Variants in FAR2 observed in about 807,000 individuals in gnomAD.
FAR2 encodes epididymis secretory protein Li 81.
Under a neutral mutation model 56.0 loss-of-function variants are expected in FAR2, and 19 were observed. That is an observed-to-expected ratio of 0.34 (90% CI 0.24 to 0.50). FAR2 has a LOEUF of 0.50. Ranked by LOEUF, FAR2 falls within the 20% of genes least tolerant of loss-of-function variation. The pLI, the probability that FAR2 is intolerant of heterozygous loss-of-function variation, is 0.98. For missense variants in FAR2, 508 were observed against 642.2 expected, an observed-to-expected ratio of 0.79 and a Z score of 2.26; for synonymous variants, 219 against 218.8, an observed-to-expected ratio of 1.00 and a Z score of -0.01.
chr12:29,205,733 C>G (rs373408836), intron 1 of FAR2, among the ~76,000 whole-genome samples: 42 of 152,238 alleles, frequency 2.8e-4, no homozygotes, highest in East Asian at 2.1e-3. Context: ...CTCAGTGATT[C>G]AGAAATCTCC....
intron 1 of FAR2, among the ~76,000 whole-genome samples, chr12:29,232,383 T>C (rs11050142): frequency 0.22 from 33,554 of 151,992 alleles, 5,522 homozygotes; most frequent in African/African-American, 0.46. Flanking sequence ...CGCATCTTCA[T>C]GTTCTTTTTT....
chr12:29,182,618 CTCTCACTATCATA>C, intron 1 of FAR2, among the ~76,000 whole-genome samples: 1 of 152,172 alleles, frequency 6.6e-6, no homozygotes, highest in South Asian at 2.1e-4. Context: ...CTGGCTTCAC[CTCTCACTATCATA>C]AGACAATGAG....
At chr12:29,332,954 G>C in intron 11 of FAR2, 1 of 597,460 alleles carries the variant, frequency 1.7e-6, no homozygotes, top group East Asian at 3.5e-5. Flanking sequence ...CAGATATCTA[G>C]ATTTAAACAC....
In FAR2 at chr12:29,183,714, G is replaced by A. The variant is rs933011903; in HGVS notation, c.-39+34307G>A. On this transcript the variant is annotated intron_variant, in intron 1 of 11. Transcript: ENST00000536681. Reference sequence around the variant, plus strand: ...GTTTTGTAGTACAGCTTTTATGTTCGTACTGAAGATAAAATGGAGAAGTAG... The same window carrying A: ...GTTTTGTAGTACAGCTTTTATGTTCATACTGAAGATAAAATGGAGAAGTAG... 4.6e-5 allele frequency among the ~76,000 whole-genome samples: 7 copies of A among 152,032 alleles called. No homozygotes were observed. In the East Asian group the frequency reaches 5.8e-4, roughly 13 times the overall value.
intron 1 of FAR2, among the ~76,000 whole-genome samples, chr12:29,170,409 C>T (rs906177517): frequency 2.0e-5 from 3 of 152,210 alleles, no homozygotes; most frequent in South Asian, 2.1e-4. Flanking sequence ...TCAGTGCTTT[C>T]GGGCTATGCC....
At chr12:29,279,932 T>G (rs1948761388) in intron 2 of FAR2, among the ~76,000 whole-genome samples, 1 of 151,800 alleles carries the variant, frequency 6.6e-6, no homozygotes, top group Non-Finnish European at 1.5e-5. Flanking sequence ...AATATAATTT[T>G]TTTTTTTTTT....
intron 1 of FAR2, among the ~76,000 whole-genome samples, chr12:29,168,641 T>C (rs1405840262): frequency 6.6e-6 from 1 of 152,190 alleles, no homozygotes; most frequent in Non-Finnish European, 1.5e-5. Context: ...AGTTTGTTCC[T>C]TCAGATGTGT....
chr12:29,293,320 A>C lies in FAR2; in HGVS notation c.210A>C (p.Glu70Asp). The C allele has an allele frequency of 6.3e-7, 1 of 1,583,854 alleles. No homozygotes were observed. The highest frequency in any genetic ancestry group is 8.6e-7 in the Non-Finnish European group (1 of 1,168,708). The change falls in exon 3 of 12, where the codon GAA becomes GAC. Residue 70 changes from glutamate (E) to aspartate (D), a missense_variant. Transcript: ENST00000536681. ...LDSKLFEKVK[E>D]VCPNVHEKIR... is the part of the protein sequence containing the mutation. ...TTCAGCTATTTGAGAAAGTCAAAGA[A>C]GTTTGTCCAAATGTGCATGAGAAGA...
At chr12:29,289,447 C>T (rs371339986) in intron 2 of FAR2, among the ~76,000 whole-genome samples, 8 of 152,254 alleles carry the variant, frequency 5.3e-5, no homozygotes, top group African/African-American at 1.9e-4. Context: ...GCAGAAAAGA[C>T]AGCCTCTTCA....
intron 1 of FAR2, among the ~76,000 whole-genome samples, chr12:29,159,262 G>T (rs529857699): frequency 1.4e-4 from 21 of 152,226 alleles, no homozygotes; most frequent in African/African-American, 5.1e-4. Context: ...TGGGAGGCCG[G>T]GCACGGTGGC....
At position 29,308,709 on chromosome 12, in the gene FAR2, C is replaced by CAT. The variant is rs1428996085; in HGVS notation, c.724-476_724-475insTA. The stretch of plus-strand genomic sequence containing the variant: ...ACACAGACACACACACACACACACA[C>CAT]ACACACACACATATATATATATATG... On this transcript the variant is annotated intron_variant, in intron 5 of 11. Coordinates refer to ENST00000536681, the MANE Select transcript of FAR2 (RefSeq NM_001271783.2). Among the ~76,000 whole-genome samples the CAT allele has an allele frequency of 1.5e-3, 151 of 103,698 alleles. 2 individuals carry two copies. The highest frequency in any genetic ancestry group is 2.6e-3 in the African/African-American group (61 of 23,152). 68.0% of individuals were successfully genotyped at this position (103,698 alleles called of 152,430 possible).
chr12:29,261,505 C>T (rs541056559), intron 1 of FAR2, among the ~76,000 whole-genome samples: 1 of 152,232 alleles, frequency 6.6e-6, no homozygotes, highest in African/African-American at 2.4e-5. Context: ...AAAGTTTACT[C>T]AAAGGGATAA....
chr12:29,311,354 TA>T (rs1237354619), intron 7 of FAR2, among the ~76,000 whole-genome samples: 1 of 152,188 alleles, frequency 6.6e-6, no homozygotes, highest in Non-Finnish European at 1.5e-5. Flanking sequence ...ACTCATAAAG[TA>T]ATAAAACCTT....
chr12:29,162,849 A>G (rs1263095810), intron 1 of FAR2, among the ~76,000 whole-genome samples: 1 of 152,224 alleles, frequency 6.6e-6, no homozygotes, highest in Non-Finnish European at 1.5e-5. Flanking sequence ...CAGAAAGATT[A>G]GCTAGGTGGC....
At chr12:29,309,259 C>T in intron 6 of FAR2, 29 bp downstream of exon 6, 1 of 1,540,462 alleles carries the variant, frequency 6.5e-7, no homozygotes, top group Middle Eastern at 1.7e-4. Flanking sequence ...AAATAACTCC[C>T]TGAAATGTAG....
At chr12:29,179,555 C>A (rs913946576) in intron 1 of FAR2, among the ~76,000 whole-genome samples, 4 of 152,106 alleles carry the variant, frequency 2.6e-5, no homozygotes, top group Non-Finnish European at 5.9e-5. Flanking sequence ...GCATTCACAC[C>A]CCGACCTATC....
At chr12:29,191,357 T>C (rs897788622) in intron 1 of FAR2, among the ~76,000 whole-genome samples, 9 of 152,238 alleles carry the variant, frequency 5.9e-5, no homozygotes, top group Non-Finnish European at 1.2e-4. Context: ...GGAGGATTTG[T>C]CACAGGTGAT....
intron 1 of FAR2, among the ~76,000 whole-genome samples, chr12:29,156,010 G>A (rs1016448259): frequency 1.3e-5 from 2 of 152,078 alleles, no homozygotes; most frequent in African/African-American, 4.8e-5. Flanking sequence ...TTTTTAGGTG[G>A]AATCTAAACA....
intron 10 of FAR2, among the ~76,000 whole-genome samples, chr12:29,327,286 C>T (rs993614479): frequency 7.9e-5 from 12 of 152,204 alleles, no homozygotes; most frequent in African/African-American, 2.7e-4. Flanking sequence ...ATTCCATGCT[C>T]ATGGGTAGGA....
Sources: gnomAD v4.1 joint callset for allele counts (sites outside exome capture counted in the v4.1 genomes callset) on GRCh38, gnomAD v4.1.1 for gene constraint, MANE v1.5 for transcripts, NCBI Gene and HGNC (gene_info 2026-07-23, HGNC 2026-07-21) for gene names.